Variants in DACH2 observed in about 807,000 individuals in gnomAD.
DACH2 encodes the protein dachshund homolog 2.
A neutral mutation model predicts 35.8 loss-of-function variants in DACH2; 17 were observed. The ratio of observed to expected loss-of-function variants is 0.48; its 90% CI spans 0.33 to 0.71. The LOEUF (loss-of-function observed/expected upper bound fraction) is 0.71, where lower values mean the gene tolerates loss of function less well. Ranked by LOEUF, DACH2 falls within the 30% of genes least tolerant of loss-of-function variation. DACH2 has a pLI of 0.02. For missense variants in DACH2, 469 were observed against 472.7 expected, an observed-to-expected ratio of 0.99 and a Z score of 0.07; for synonymous variants, 195 against 177.3, an observed-to-expected ratio of 1.10 and a Z score of -0.79.
At chrX:86,174,414 A>G (rs1316605676) in intron 1 of DACH2, among the ~76,000 whole-genome samples, 1 of 110,924 alleles carries the variant, frequency 9.0e-6, no homozygotes, top group Non-Finnish European at 1.9e-5. Flanking sequence ...GGTGTTAGCC[A>G]CCATGCCCAG....
At chrX:86,823,996 G>A (rs552839188) in intron 11 of DACH2, among the ~76,000 whole-genome samples, 3 of 111,773 alleles carry the variant, frequency 2.7e-5, no homozygotes, top group African/African-American at 6.5e-5. Flanking sequence ...ACTGATAAGC[G>A]TATATGTTCA....
chrX:86,541,017 CTG>C (rs1490735398), intron 3 of DACH2, among the ~76,000 whole-genome samples: 2 of 111,406 alleles, frequency 1.8e-5, no homozygotes, highest in Non-Finnish European at 3.8e-5. Context: ...AAATGCTTAC[CTG>C]TGAAAAACCT....
At position 86,703,340 on chromosome X, in the gene DACH2, T is replaced by G. The variant is rs760982978; in HGVS notation, c.931+8161T>G. On this transcript the variant is annotated intron_variant, in intron 5 of 11. Transcript: ENST00000373125. ...CTGGAAGGTCATACACTGGTGGCAT[T>G]TTCCCCATAAGAACTGGAACGAGAG... Among the ~76,000 whole-genome samples the G allele has an allele frequency of 2.7e-5, 3 of 111,427 alleles. No homozygotes were observed. The South Asian group carries it at 1.1e-3, about 42-fold the overall frequency.
At chrX:86,829,997 T>C (rs2042597787) in intron 11 of DACH2, 1 of 111,306 alleles carries the variant, frequency 9.0e-6, no homozygotes, top group Non-Finnish European at 1.9e-5. Flanking sequence ...CAAACCCTTA[T>C]AAGAACATGA....
At chrX:86,747,121 G>C (rs975831863) in intron 7 of DACH2, among the ~76,000 whole-genome samples, 1 of 111,093 alleles carries the variant, frequency 9.0e-6, no homozygotes, top group Admixed American at 9.6e-5. Context: ...TTAAAATAAA[G>C]ACATATGAGT....
intron 6 of DACH2, among the ~76,000 whole-genome samples, chrX:86,737,199 T>C (rs750399081): frequency 9.0e-6 from 1 of 111,731 alleles, no homozygotes; most frequent in East Asian, 2.8e-4. Flanking sequence ...AAAATGTGAA[T>C]AGAATTATTG....
chrX:86,440,162 C>T (rs2037136227), intron 2 of DACH2, among the ~76,000 whole-genome samples: 2 of 111,611 alleles, frequency 1.8e-5, no homozygotes, highest in African/African-American at 6.5e-5. Flanking sequence ...CTGAATTCAA[C>T]TATGTCCTTA....
chrX:86,574,849 T>TA (rs929873315), intron 3 of DACH2, among the ~76,000 whole-genome samples: 1 of 111,739 alleles, frequency 8.9e-6, no homozygotes, highest in Non-Finnish European at 1.9e-5. Context: ...CAAGTATTGA[T>TA]AAACTGAGAT....
intron 1 of DACH2, among the ~76,000 whole-genome samples, chrX:86,225,952 A>T (rs1409116731): frequency 1.8e-5 from 2 of 111,460 alleles, no homozygotes; most frequent in Non-Finnish European, 3.8e-5. Context: ...CTAGAACAGG[A>T]TGCCAAAGAT....
chrX:86,297,197 T>A (rs1212615200), intron 1 of DACH2, among the ~76,000 whole-genome samples: 3 of 109,599 alleles, frequency 2.7e-5, no homozygotes, highest in Non-Finnish European at 5.7e-5. Context: ...AAAAATAGCT[T>A]CGACCTTCTT....
chrX:86,634,347 T>C (rs1281275806), intron 3 of DACH2, among the ~76,000 whole-genome samples: 8 of 111,077 alleles, frequency 7.2e-5, no homozygotes, highest in African/African-American at 2.6e-4. Flanking sequence ...CAACAACATA[T>C]TGAATGGGGA....
chrX:86,530,748 G>A (rs1195445836), intron 3 of DACH2, among the ~76,000 whole-genome samples: 1 of 112,224 alleles, frequency 8.9e-6, no homozygotes, highest in Admixed American at 9.5e-5. Flanking sequence ...AACAACTTTG[G>A]AACTGGATAA....
In DACH2 at chrX:86,173,183, C is replaced by T. The variant is rs140993687; in HGVS notation, c.488+24075C>T. ...ATTCATTTACTCATCAAATAGTTATCGGGTGTACTCTGTGTCAGGCACTCT... is the reference window on the plus strand; with the variant it reads ...ATTCATTTACTCATCAAATAGTTATTGGGTGTACTCTGTGTCAGGCACTCT... On this transcript the variant is annotated intron_variant, in intron 1 of 11. Coordinates refer to ENST00000373125, the MANE Select transcript of DACH2 (RefSeq NM_053281.3). 6.8e-3 allele frequency among the ~76,000 whole-genome samples: 755 copies of T among 111,500 alleles called. 3 individuals carry two copies. Among genetic ancestry groups the T allele is most frequent in the Non-Finnish European group, 0.011 (595 of 53,079 alleles).
intron 1 of DACH2, among the ~76,000 whole-genome samples, chrX:86,370,945 G>A (rs2035878333): frequency 9.0e-6 from 1 of 111,140 alleles, no homozygotes; most frequent in Non-Finnish European, 1.9e-5. Flanking sequence ...AGAAGACCAA[G>A]TTATTCTATT....
chrX:86,811,001 A>G lies in DACH2; in HGVS notation c.1241-1855A>G, dbSNP rs774416295. Among the ~76,000 whole-genome samples the G allele has an allele frequency of 2.7e-5, 3 of 112,253 alleles. No individual in the cohort carries two copies. The East Asian group carries it at 8.4e-4, about 31-fold the overall frequency. On this transcript the variant is annotated intron_variant, in intron 7 of 11. Transcript: ENST00000373125. ...AAAATATTGTTTTCAAAGCTTTACT[A>G]AAAAATAATTCCTAGGAAGTTATTC...
chrX:86,625,827 C>A (rs1427877632), intron 3 of DACH2, among the ~76,000 whole-genome samples: 1 of 111,159 alleles, frequency 9.0e-6, no homozygotes, highest in Non-Finnish European at 1.9e-5. Flanking sequence ...GAAAACCCCA[C>A]CCCATTGATT....
chrX:86,815,350 T>A (rs2042436636), intron 10 of DACH2, among the ~76,000 whole-genome samples: 1 of 111,026 alleles, frequency 9.0e-6, no homozygotes, highest in Non-Finnish European at 1.9e-5. Context: ...CAAACTTTTC[T>A]GCTTCCATTT....
chrX:86,497,545 T>G (rs1196372455), intron 2 of DACH2, among the ~76,000 whole-genome samples: 1 of 111,277 alleles, frequency 9.0e-6, no homozygotes, highest in Non-Finnish European at 1.9e-5. Flanking sequence ...CCCTACAACA[T>G]GGCAGGAGGC....
chrX:86,482,898 C>A (rs1182248481), intron 2 of DACH2, among the ~76,000 whole-genome samples: 4 of 103,499 alleles, frequency 3.9e-5, no homozygotes, highest in East Asian at 6.3e-4. Flanking sequence ...GAACAAAAAA[C>A]CAAACACTGC....
Sources: gnomAD v4.1 joint callset for allele counts (sites outside exome capture counted in the v4.1 genomes callset) on GRCh38, gnomAD v4.1.1 for gene constraint, MANE v1.5 for transcripts, NCBI Gene and HGNC (gene_info 2026-07-23, HGNC 2026-07-21) for gene names.